The following TCEA1 variants were observed in gnomAD, a reference collection of about 807,000 sequenced individuals.
TCEA1 encodes transcription elongation factor A1.
A neutral mutation model predicts 43.8 loss-of-function variants in TCEA1; 21 were observed. The ratio of observed to expected loss-of-function variants is 0.48; its 90% confidence interval spans 0.34 to 0.69. The LOEUF (loss-of-function observed/expected upper bound fraction) is 0.69, where lower values mean the gene tolerates loss of function less well. TCEA1 is among the 30% of genes least tolerant of loss of function. TCEA1 has a pLI of 0.01. For missense variants in TCEA1, 250 were observed against 365.1 expected (o/e 0.68, Z 2.57); for synonymous variants, 104 against 117.5 (o/e 0.88, Z 0.75).
chr8:54,016,369 G>A (rs1193817246), intron 1 of TCEA1, among the ~76,000 whole-genome samples: 1 of 152,164 alleles, frequency 6.6e-6, no homozygotes, highest in Non-Finnish European at 1.5e-5. Flanking sequence ...TACTCGGGAG[G>A]CTGAGGCAGG....
intron 4 of TCEA1, among the ~76,000 whole-genome samples, chr8:53,991,319 G>GAAGGTGGAGGT (rs1351579629): frequency 6.6e-6 from 1 of 151,954 alleles, no homozygotes; most frequent in African/African-American, 2.4e-5. Context: ...CTTGAACCTG[G>GAAGGTGGAGGT]GGGACAGAGG....
At chr8:53,981,082 T>C (rs1803485719) in intron 7 of TCEA1, among the ~76,000 whole-genome samples, 1 of 152,040 alleles carries the variant, frequency 6.6e-6, no homozygotes. Flanking sequence ...CTGAGAGAGA[T>C]GAGGAAGCTG....
intron 9 of TCEA1, among the ~76,000 whole-genome samples, chr8:53,970,112 A>G (rs1803111105): frequency 6.6e-6 from 1 of 152,230 alleles, no homozygotes; most frequent in Non-Finnish European, 1.5e-5. Context: ...TAATGAATAT[A>G]GTATAAATAG....
At chr8:53,997,525 T>C (rs1023665795) in intron 3 of TCEA1, among the ~76,000 whole-genome samples, 9 of 152,200 alleles carry the variant, frequency 5.9e-5, no homozygotes, top group African/African-American at 2.2e-4. Context: ...GCTTAAACAG[T>C]ATTCCAACTG....
At chr8:54,002,928 G>A (rs555404084) in intron 2 of TCEA1, 8 of 456,204 alleles carry the variant, frequency 1.8e-5, no homozygotes, top group Non-Finnish European at 3.1e-5. Context: ...CAGCCTTAGG[G>A]GTCAGCTGCA....
chr8:54,018,311 T>C (rs375750731), intron 1 of TCEA1, among the ~76,000 whole-genome samples: 4 of 152,206 alleles, frequency 2.6e-5, no homozygotes, highest in Admixed American at 2.6e-4. Flanking sequence ...AATCTCTCCA[T>C]GAACTTCAAA....
chr8:54,012,635 T>C (rs867077674), intron 1 of TCEA1, among the ~76,000 whole-genome samples: 19 of 152,332 alleles, frequency 1.2e-4, no homozygotes, highest in Middle Eastern at 6.8e-3. Context: ...GCTGGGGGTA[T>C]TATGTAATAT....
intron 3 of TCEA1, among the ~76,000 whole-genome samples, chr8:53,996,063 A>G (rs1482623738): frequency 6.6e-6 from 1 of 152,272 alleles, no homozygotes; most frequent in Non-Finnish European, 1.5e-5. Context: ...GTAATAGGGT[A>G]GAAAGCATTT....
Position 53,967,321 on chromosome 8 carries a change from T to G in TCEA1, c.*783A>C, listed in dbSNP as rs1363681583. 4.9e-6 allele frequency: 1 copy of G among 202,208 alleles called. No homozygotes were observed. The highest frequency in any genetic ancestry group is 1.0e-5 in the Non-Finnish European group (1 of 98,160). The allele number at this position is 202,208 out of a possible 1,614,324, so 12.5% of individuals were successfully genotyped here. On this transcript the variant is annotated 3_prime_UTR_variant, in exon 10 of 10. Coordinates refer to ENST00000521604, the MANE Select transcript of TCEA1 (RefSeq NM_006756.4). ...AAAAAAATAGTGGGAAGTTTTCATC[T>G]TTGCCTATGAGGGGATTTATGAAAA...
chr8:53,972,575 T>C (rs1803190256), intron 8 of TCEA1: 1 of 555,350 alleles, frequency 1.8e-6, no homozygotes, highest in Non-Finnish European at 3.6e-6. Flanking sequence ...TCAACTGATT[T>C]AAACCTAAAG....
intron 6 of TCEA1, among the ~76,000 whole-genome samples, chr8:53,984,873 C>T (rs540104701): frequency 3.3e-5 from 5 of 151,608 alleles, no homozygotes; most frequent in Admixed American, 1.3e-4. Flanking sequence ...CAGAGGGACA[C>T]TCCATCTTAA....
chr8:54,000,145 C>T, intron 2 of TCEA1, 95 bp from the exon 3 acceptor site: 1 of 810,778 alleles, frequency 1.2e-6, no homozygotes, highest in Non-Finnish European at 1.9e-6. Context: ...ATTCCTGTTT[C>T]TATTTTAGAA....
rs537952645 is a variant in TCEA1, at chr8:54,000,758, A to ATTTT, written c.127-712_127-709dup. On this transcript the variant is annotated intron_variant, in intron 2 of 9. Coordinates refer to ENST00000521604, the MANE Select transcript of TCEA1 (RefSeq NM_006756.4). ...ACCATTACCAACCAGCAAAGCTGGG[A>ATTTT]TTTTTTTTTTTTTTTTTTGAGACGG... is the stretch of plus-strand genomic sequence containing the variant. Among the ~76,000 whole-genome samples the ATTTT allele has an allele frequency of 4.9e-4, 67 of 136,086 alleles. 1 individual carries two copies. Among genetic ancestry groups the ATTTT allele is most frequent in the African/African-American group, 1.6e-3 (57 of 35,252 alleles). 89.3% of individuals were successfully genotyped at this position (136,086 alleles called of 152,430 possible).
In TCEA1 at chr8:53,967,400, CA is replaced by C. The variant is rs1803017552; in HGVS notation, c.*703del. The C allele has an allele frequency of 5.0e-6, 1 of 200,130 alleles. No individual in the cohort carries two copies. The highest frequency in any genetic ancestry group is 2.3e-5 in the African/African-American group (1 of 43,440). The allele number at this position is 200,130 out of a possible 1,614,324, so 12.4% of individuals were successfully genotyped here. ...GCAAAACTAAAACACATTATAAAGT[CA>C]AACAGGTAAATTAACAGGAAAACCA... is the stretch of plus-strand genomic sequence containing the variant. On this transcript the variant is annotated 3_prime_UTR_variant, in exon 10 of 10. Transcript: ENST00000521604.
rs138601363 is a variant in TCEA1 at position 54,008,551 on chromosome 8, G to A, written c.126+1879C>T. Among the ~76,000 whole-genome samples, 629 of 151,960 alleles carry A rather than the reference G, an allele frequency of 4.1e-3. 3 individuals are homozygous for A. The highest frequency in any genetic ancestry group is 0.013 in the African/African-American group (558 of 41,450). Reference sequence around the variant, plus strand: ...GTAGTCCCCAGTTACTTGGGGGTAAGGGACGGGAGGGGCTGAGGTGGGAGG... The same window carrying A: ...GTAGTCCCCAGTTACTTGGGGGTAAAGGACGGGAGGGGCTGAGGTGGGAGG... On this transcript the variant is annotated intron_variant, in intron 2 of 9. Coordinates refer to ENST00000521604, the MANE Select transcript of TCEA1 (RefSeq NM_006756.4).
chr8:54,000,951 A>T (rs1804237696), intron 2 of TCEA1, among the ~76,000 whole-genome samples: 1 of 151,814 alleles, frequency 6.6e-6, no homozygotes, highest in African/African-American at 2.4e-5. Flanking sequence ...GTAGAGACGG[A>T]CTGCACCACG....
chr8:53,976,515 T>C (rs1803337442), intron 8 of TCEA1, among the ~76,000 whole-genome samples: 1 of 152,220 alleles, frequency 6.6e-6, no homozygotes, highest in Non-Finnish European at 1.5e-5. Flanking sequence ...GAGTTTTCTA[T>C]CTGAAGCGAA....
At chr8:54,019,679 A>T (rs1012318867) in intron 1 of TCEA1, among the ~76,000 whole-genome samples, 5 of 152,246 alleles carry the variant, frequency 3.3e-5, no homozygotes, top group Middle Eastern at 6.8e-3. Context: ...TAATTCTACA[A>T]CCCCTAAAAC....
chr8:53,972,870 C>A, intron 8 of TCEA1: 1 of 706,802 alleles, frequency 1.4e-6, no homozygotes, highest in East Asian at 2.6e-5. Context: ...AAGGTTTATA[C>A]CAGATGATAC....
Sources: gnomAD v4.1 joint callset for allele counts (sites outside exome capture counted in the v4.1 genomes callset) on GRCh38, gnomAD v4.1.1 for gene constraint, MANE v1.5 for transcripts, NCBI Gene and HGNC (gene_info 2026-07-23, HGNC 2026-07-21) for gene names.